The following IRAK2 variants were observed in gnomAD, a reference collection of about 807,000 sequenced individuals.
IRAK2 encodes interleukin-1 receptor-associated kinase-like 2.
IRAK2 carries 57 observed loss-of-function variants against 72.0 expected under a neutral mutation model. That is an observed-to-expected ratio of 0.79 (90% CI 0.64 to 0.99). The LOEUF is 0.99. IRAK2 is among the 50% of genes least tolerant of loss of function. The probability of loss-of-function intolerance (pLI) is 0.00; values close to 1 mark genes in which losing one functional copy is unlikely to be tolerated. For missense variants in IRAK2, 790 were observed against 794.4 expected, an observed-to-expected ratio of 0.99 and a Z score of 0.07; for synonymous variants, 293 against 312.7, an observed-to-expected ratio of 0.94 and a Z score of 0.67.
intron 2 of IRAK2, among the ~76,000 whole-genome samples, chr3:10,198,134 G>T (rs1239664419): frequency 1.3e-5 from 2 of 152,322 alleles, no homozygotes; most frequent in African/African-American, 4.8e-5. Context: ...GAGAATCGGA[G>T]CTTGCAGTGA....
At chr3:10,193,097 C>T (rs757654800) in intron 2 of IRAK2, among the ~76,000 whole-genome samples, 23 of 152,130 alleles carry the variant, frequency 1.5e-4, no homozygotes, top group Admixed American at 4.6e-4. Flanking sequence ...ATTTGCCTTC[C>T]GTGGCATCAG....
chr3:10,169,280 AG>A (rs1264570637), intron 1 of IRAK2, among the ~76,000 whole-genome samples: 5 of 152,324 alleles, frequency 3.3e-5, no homozygotes, highest in Admixed American at 6.5e-5. Flanking sequence ...AACAGGAAAC[AG>A]GGTTGGAGAG....
rs1259894884 is a variant in IRAK2, at chr3:10,219,671, T to G, written c.904-9T>G. On this transcript the variant is annotated splice_polypyrimidine_tract_variant and intron_variant, in intron 7 of 12. Transcript: ENST00000256458. ...TGACTATTTGTCCTCCTGCTTTTCT[T>G]TCTCTTAGGGTGGCTCGGACCCCCT... The G allele has an allele frequency of 6.2e-7, 1 of 1,608,354 alleles. No individual in the cohort carries two copies. The highest frequency in any genetic ancestry group is 8.5e-7 in the Non-Finnish European group (1 of 1,175,000).
At chr3:10,226,018 G>T (rs1048169959) in intron 9 of IRAK2, among the ~76,000 whole-genome samples, 1 of 152,090 alleles carries the variant, frequency 6.6e-6, no homozygotes, top group Admixed American at 6.6e-5. Flanking sequence ...ATTTTTAAAT[G>T]AAACAATCTT....
intron 1 of IRAK2, among the ~76,000 whole-genome samples, chr3:10,176,471 G>GTTTGTTTA (rs1480389850): frequency 6.0e-4 from 91 of 151,116 alleles, no homozygotes; most frequent in African/African-American, 2.1e-3. Flanking sequence ...TGGCTACTTT[G>GTTTGTTTA]TTTATTTATT....
intron 1 of IRAK2, among the ~76,000 whole-genome samples, chr3:10,168,183 T>G (rs1181083188): frequency 2.0e-5 from 3 of 151,992 alleles, no homozygotes; most frequent in Admixed American, 2.0e-4. Flanking sequence ...CTCCACATCC[T>G]TGTCAACATG....
At chr3:10,186,783 CTT>C (rs4020034) in intron 2 of IRAK2, among the ~76,000 whole-genome samples, 22 of 124,678 alleles carry the variant, frequency 1.8e-4, no homozygotes, top group Non-Finnish European at 1.7e-4. Flanking sequence ...TCTTTCTTTC[CTT>C]TTTTTTTTTT....
At chr3:10,183,633 G>A (rs1426373371) in intron 2 of IRAK2, among the ~76,000 whole-genome samples, 5 of 152,136 alleles carry the variant, frequency 3.3e-5, no homozygotes, top group African/African-American at 7.2e-5. Context: ...AGGCAGGAGA[G>A]TGGTGGGAAC....
At chr3:10,235,826 C>T (rs1364596943) in intron 11 of IRAK2, among the ~76,000 whole-genome samples, 1 of 152,162 alleles carries the variant, frequency 6.6e-6, no homozygotes. Flanking sequence ...TCTCTGGACT[C>T]CCAGTTCAGC....
intron 3 of IRAK2, among the ~76,000 whole-genome samples, chr3:10,203,297 C>T (rs1697390597): frequency 1.3e-5 from 2 of 152,056 alleles, no homozygotes; most frequent in Non-Finnish European, 2.9e-5. Flanking sequence ...GCACCCAGCC[C>T]CTATTTGCTT....
At chr3:10,202,697 T>TC (rs1310581778) in intron 3 of IRAK2, among the ~76,000 whole-genome samples, 6 of 146,356 alleles carry the variant, frequency 4.1e-5, no homozygotes, top group Non-Finnish European at 7.6e-5. Context: ...TCCTTTTTTT[T>TC]TTTTTTTTTT....
At chr3:10,237,235 G>C (rs1697974650) in intron 11 of IRAK2, among the ~76,000 whole-genome samples, 1 of 152,184 alleles carries the variant, frequency 6.6e-6, no homozygotes, top group Non-Finnish European at 1.5e-5. Context: ...CATGTGACCT[G>C]GGCCTTGAAG....
intron 9 of IRAK2, among the ~76,000 whole-genome samples, chr3:10,223,101 A>G (rs759246133): frequency 5.9e-5 from 9 of 152,326 alleles, no homozygotes; most frequent in Non-Finnish European, 1.0e-4. Context: ...AAAAGCTCAC[A>G]TATTTACTGT....
chr3:10,215,878 A>G (rs995315198), intron 6 of IRAK2, among the ~76,000 whole-genome samples: 2 of 152,124 alleles, frequency 1.3e-5, no homozygotes, highest in African/African-American at 4.8e-5. Context: ...TCATTCATTG[A>G]TTCAGAAAAT....
At position 10,243,510 on chromosome 3, in the gene IRAK2, G is replaced by A. The variant is rs1190725167; in HGVS notation, c.*1282G>A. On this transcript the variant is annotated 3_prime_UTR_variant, in exon 13 of 13. Coordinates refer to ENST00000256458, the MANE Select transcript of IRAK2 (RefSeq NM_001570.4). ...GCTGTTGGGAGGAACAGATGAGACA[G>A]TGGCTATAGAAGCACTTGGAAAATG... 6.6e-6 allele frequency: 1 copy of A among 152,616 alleles called. No homozygotes were observed. The highest frequency in any genetic ancestry group is 2.4e-5 in the African/African-American group (1 of 41,446). The allele number at this position is 152,616 out of a possible 1,614,324, so 9.5% of individuals were successfully genotyped here.
chr3:10,168,313 C>T (rs891277557), intron 1 of IRAK2, among the ~76,000 whole-genome samples: 8 of 151,126 alleles, frequency 5.3e-5, no homozygotes, highest in East Asian at 1.9e-4. Context: ...TGGGTTCAAG[C>T]GATTCTTGTG....
At chr3:10,236,190 A>G (rs1389341548) in intron 11 of IRAK2, among the ~76,000 whole-genome samples, 2 of 151,928 alleles carry the variant, frequency 1.3e-5, no homozygotes, top group Non-Finnish European at 2.9e-5. Context: ...GCTGAGAGAG[A>G]GCTCAGCACG....
At chr3:10,221,234 T>C (rs550807820) in intron 8 of IRAK2, among the ~76,000 whole-genome samples, 12 of 129,402 alleles carry the variant, frequency 9.3e-5, no homozygotes, top group Non-Finnish European at 1.6e-4. Context: ...CTACTAAAAA[T>C]ACCAAAAAAA....
intron 2 of IRAK2, among the ~76,000 whole-genome samples, chr3:10,191,136 T>TA (rs887915406): frequency 2.0e-5 from 3 of 150,874 alleles, no homozygotes; most frequent in Non-Finnish European, 3.0e-5. Flanking sequence ...CTACTAAAAA[T>TA]AAAAAAAAAT....
Sources: gnomAD v4.1 joint callset for allele counts (sites outside exome capture counted in the v4.1 genomes callset) on GRCh38, gnomAD v4.1.1 for gene constraint, MANE v1.5 for transcripts, NCBI Gene and HGNC (gene_info 2026-07-23, HGNC 2026-07-21) for gene names.